Variants in B3GNT3 observed in about 807,000 individuals in gnomAD.
B3GNT3 encodes the protein N-acetyllactosaminide beta-1,3-N-acetylglucosaminyltransferase 3.
In B3GNT3, 7 loss-of-function variants were observed where a neutral mutation model predicts 11.6. That is an observed-to-expected ratio of 0.60 (90% confidence interval 0.34 to 1.13). The LOEUF (loss-of-function observed/expected upper bound fraction) is 1.13, where lower values mean the gene tolerates loss of function less well. Ranked by LOEUF, B3GNT3 falls within the 50% of genes most tolerant of loss-of-function variation. The probability of loss-of-function intolerance (pLI) is 0.03; values close to 1 mark genes in which losing one functional copy is unlikely to be tolerated. For missense variants in B3GNT3, 400 were observed against 507.4 expected (o/e 0.79, Z 2.03); for synonymous variants, 201 against 222.1 (o/e 0.90, Z 0.85).
Position 17,807,898 on chromosome 19 carries a change from C to T in B3GNT3, c.91C>T (p.Pro31Ser), listed in dbSNP as rs2094175289. The T allele has an allele frequency of 2.5e-6, 4 of 1,613,606 alleles. No homozygotes were observed. Among genetic ancestry groups the T allele is most frequent in the Admixed American group, 3.3e-5 (2 of 60,010 alleles). ...TLLLFSLLVS[P>S]PTCKVQEQPP... ...CCTCCTCTTCAGTCTGCTAGTGTCA[C>T]CACCCACCTGCAAGGTCCAGGAGCA... Residue 31 changes from proline to serine, a missense_variant, in exon 2 of 3, where the codon CCA becomes TCA. By Grantham distance (74) the Pro-to-Ser change is moderately conservative. Coordinates refer to ENST00000318683, the MANE Select transcript of B3GNT3 (RefSeq NM_014256.4).
Position 17,807,745 on chromosome 19 carries a change from T to G in B3GNT3, c.-50-13T>G. 1 of 1,482,486 alleles carries G rather than the reference T, an allele frequency of 6.7e-7. No homozygotes were observed. The highest frequency in any genetic ancestry group is 1.3e-5 in the South Asian group (1 of 77,864). The allele number at this position is 1,482,486 out of a possible 1,614,324, so 91.8% of individuals were successfully genotyped here. A position where few individuals can be genotyped will look rare whatever the true frequency, so the allele number is the denominator to read the frequency against. The stretch of plus-strand genomic sequence containing the variant: ...GCTCATGGCGAGTGTTCAGTGAGTT[T>G]TGTTTTCCACAGGAGCCGCCCAGGA... On this transcript the variant is annotated splice_polypyrimidine_tract_variant and intron_variant, in intron 1 of 2. Coordinates refer to ENST00000318683, the MANE Select transcript of B3GNT3 (RefSeq NM_014256.4).
chr19:17,806,993 G>A (rs576547235), intron 1 of B3GNT3, among the ~76,000 whole-genome samples: 2 of 150,506 alleles, frequency 1.3e-5, no homozygotes, highest in East Asian at 3.9e-4. Flanking sequence ...GCTCCATGCT[G>A]TAAGTGGGAA....
At chr19:17,799,601 G>T (rs1346929181) in intron 1 of B3GNT3, among the ~76,000 whole-genome samples, 1 of 151,858 alleles carries the variant, frequency 6.6e-6, no homozygotes, top group Non-Finnish European at 1.5e-5. Context: ...GGATGCTAAG[G>T]TCTGGGTGGC....
intron 1 of B3GNT3, among the ~76,000 whole-genome samples, chr19:17,800,828 G>A (rs1236124781): frequency 1.3e-5 from 2 of 152,044 alleles, no homozygotes; most frequent in East Asian, 3.9e-4. Flanking sequence ...TTAGCCGGGT[G>A]TGGTGGTACA....
At chr19:17,804,279 G>A (rs561315152) in intron 1 of B3GNT3, among the ~76,000 whole-genome samples, 15 of 109,548 alleles carry the variant, frequency 1.4e-4, no homozygotes, top group East Asian at 4.9e-4. Flanking sequence ...TTGTTCTATC[G>A]CCCAGGCTGG....
intron 1 of B3GNT3, among the ~76,000 whole-genome samples, chr19:17,804,240 C>CTTTTTTTTTTTTTTTTTTT (rs773524591): frequency 3.6e-5 from 4 of 112,188 alleles, no homozygotes; most frequent in Non-Finnish European, 5.4e-5. Context: ...TCTTTTTTTT[C>CTTTTTTTTTTTTTTTTTTT]TTTTTTTTTT....
intron 1 of B3GNT3, among the ~76,000 whole-genome samples, chr19:17,797,917 TAAG>T (rs1470957275): frequency 6.6e-6 from 1 of 152,136 alleles, no homozygotes; most frequent in Non-Finnish European, 1.5e-5. Context: ...CCCAAACTGG[TAAG>T]AACTGGTGAG....
At chr19:17,804,881 A>C (rs17830143) in intron 1 of B3GNT3, among the ~76,000 whole-genome samples, 26,573 of 150,804 alleles carry the variant, frequency 0.18, 2,909 homozygotes, top group African/African-American at 0.31. Context: ...CTAAACCTGC[A>C]TACTCTCCTA....
intron 2 of B3GNT3, among the ~76,000 whole-genome samples, chr19:17,810,242 G>C (rs2147654909): frequency 6.6e-6 from 1 of 152,112 alleles, no homozygotes; most frequent in African/African-American, 2.4e-5. Flanking sequence ...TATAATCCCA[G>C]CACTTTGGGA....
At chr19:17,805,008 A>G (rs2094171409) in intron 1 of B3GNT3, among the ~76,000 whole-genome samples, 1 of 151,826 alleles carries the variant, frequency 6.6e-6, no homozygotes, top group African/African-American at 2.4e-5. Flanking sequence ...CACCACACTC[A>G]GCTAATTTTG....
At chr19:17,795,828 T>C (rs2094158881) in intron 1 of B3GNT3, among the ~76,000 whole-genome samples, 1 of 152,128 alleles carries the variant, frequency 6.6e-6, no homozygotes, top group South Asian at 2.1e-4. Flanking sequence ...GGTGTACTGC[T>C]GGCCACTGGG....
Position 17,813,273 on chromosome 19 carries a change from C to T in B3GNT3, c.*1151C>T, listed in dbSNP as rs896503243. ...TCACTTGAGCCCAGGAGTTCTGGATCCTGTCTCTGCACAAAATAAAAAATT... is the reference window on the plus strand; with the variant it reads ...TCACTTGAGCCCAGGAGTTCTGGATTCTGTCTCTGCACAAAATAAAAAATT... On this transcript the variant is annotated 3_prime_UTR_variant, in exon 3 of 3. Coordinates refer to ENST00000318683, the MANE Select transcript of B3GNT3 (RefSeq NM_014256.4). 6.6e-6 allele frequency among the ~76,000 whole-genome samples: 1 copy of T among 151,708 alleles called. No homozygotes were observed. The highest frequency in any genetic ancestry group is 1.5e-5 in the Non-Finnish European group (1 of 67,942).
intron 1 of B3GNT3, among the ~76,000 whole-genome samples, chr19:17,798,292 C>T (rs1292868771): frequency 6.6e-6 from 1 of 152,146 alleles, no homozygotes; most frequent in African/African-American, 2.4e-5. Context: ...GAACCTAGAC[C>T]CAGATGTGGC....
chr19:17,813,075 G>A lies in B3GNT3; in HGVS notation c.*953G>A, dbSNP rs1395771937. ...CTTGGGGAATATAAAATTTTGTGAA[G>A]ACTTGGAGATCTTTTTTTTTTTTTA... On this transcript the variant is annotated 3_prime_UTR_variant, in exon 3 of 3. Coordinates refer to ENST00000318683, the MANE Select transcript of B3GNT3 (RefSeq NM_014256.4). 1 of 151,708 alleles carries A rather than the reference G, an allele frequency of 6.6e-6. No individual in the cohort carries two copies. Among genetic ancestry groups the A allele is most frequent in the African/African-American group, 2.4e-5 (1 of 41,352 alleles). 9.4% of individuals were successfully genotyped at this position (151,708 alleles called of 1,614,324 possible).
rs969915564 is a variant in B3GNT3 at position 17,812,140 on chromosome 19, C to T, written c.*18C>T. On this transcript the variant is annotated 3_prime_UTR_variant, in exon 3 of 3. Coordinates refer to ENST00000318683, the MANE Select transcript of B3GNT3 (RefSeq NM_014256.4). ...TCTACTGAGTCAGCATCAGGGTCCC[C>T]AGCCTCTGGGCTCCTGTTTCCATAG... is the stretch of plus-strand genomic sequence containing the variant. 6.4e-7 allele frequency: 1 copy of T among 1,567,332 alleles called. No individual in the cohort carries two copies.
At chr19:17,796,900 C>G (rs1677882114) in intron 1 of B3GNT3, among the ~76,000 whole-genome samples, 2 of 152,120 alleles carry the variant, frequency 1.3e-5, no homozygotes, top group Non-Finnish European at 2.9e-5. Flanking sequence ...TTTGCTCACT[C>G]CCCCAACCCC....
chr19:17,800,290 G>T (rs912672728), intron 1 of B3GNT3, among the ~76,000 whole-genome samples: 1 of 151,834 alleles, frequency 6.6e-6, no homozygotes, highest in African/African-American at 2.4e-5. Flanking sequence ...CAGGAGGATC[G>T]CTTGAAACCA....
chr19:17,800,688 C>T (rs537255842), intron 1 of B3GNT3, among the ~76,000 whole-genome samples: 320 of 151,810 alleles, frequency 2.1e-3, no homozygotes, highest in Non-Finnish European at 3.7e-3. Flanking sequence ...ACTATTAGGC[C>T]GGGCGAGGTG....
At chr19:17,797,470 C>A (rs923515603) in intron 1 of B3GNT3, among the ~76,000 whole-genome samples, 1 of 152,110 alleles carries the variant, frequency 6.6e-6, no homozygotes, top group Non-Finnish European at 1.5e-5. Flanking sequence ...CCTGTTTCCC[C>A]ATCTATGGAG....
Sources: gnomAD v4.1 joint callset for allele counts (sites outside exome capture counted in the v4.1 genomes callset) on GRCh38, gnomAD v4.1.1 for gene constraint, MANE v1.5 for transcripts, NCBI Gene and HGNC (gene_info 2026-07-23, HGNC 2026-07-21) for gene names.